The following MOCOS variants were observed in gnomAD, a reference collection of about 807,000 sequenced individuals.
MOCOS encodes the protein human molybdenum cofactor sulfurase.
In MOCOS, 86 loss-of-function variants were observed where a neutral mutation model predicts 83.6. The observed-to-expected ratio is 1.03, with a 90% CI of 0.86 to 1.23. MOCOS has a LOEUF of 1.23. Among genes scored for constraint, MOCOS ranks in the 50% most tolerant of loss-of-function variants. MOCOS has a pLI of 0.00. For synonymous variants in MOCOS, 445 were observed against 434.7 expected (o/e 1.02, Z -0.29); for missense variants, 1,120 against 1,126.9 (o/e 0.99, Z 0.09).
intron 6 of MOCOS, among the ~76,000 whole-genome samples, chr18:36,208,703 G>A (rs929030805): frequency 2.0e-5 from 3 of 152,148 alleles, no homozygotes; most frequent in Non-Finnish European, 4.4e-5. Flanking sequence ...CAGAGATTAT[G>A]GGATTTTCCG....
chr18:36,234,427 C>A (rs139039679), intron 9 of MOCOS, among the ~76,000 whole-genome samples: 2 of 152,182 alleles, frequency 1.3e-5, no homozygotes, highest in Admixed American at 6.5e-5. Context: ...GTTTTGGTAA[C>A]AGTAGCCTTG....
At chr18:36,206,534 C>G (rs1364824265) in intron 6 of MOCOS, among the ~76,000 whole-genome samples, 1 of 152,130 alleles carries the variant, frequency 6.6e-6, no homozygotes, top group Non-Finnish European at 1.5e-5. Flanking sequence ...ATGTGAGCCA[C>G]TGTGCCCGGC....
rs1397713762 is a variant in MOCOS at position 36,215,675 on chromosome 18, C to T, written c.1495C>T (p.Pro499Ser). 1.9e-6 allele frequency: 3 copies of T among 1,614,066 alleles called. No individual in the cohort carries two copies. Among genetic ancestry groups the T allele is most frequent in the African/African-American group, 1.3e-5 (1 of 74,934 alleles). ...RLHSSGDWPVPQAHADTGETG... is the reference protein window; with the variant it reads ...RLHSSGDWPVSQAHADTGETG... ...GCACTCATCAGGGGACTGGCCTGTC[C>T]CTCAGGCCCATGCTGACACCGGGGA... The change falls in exon 8 of 15, where the codon CCT (proline) becomes TCT (serine). Residue 499 changes from proline to serine, a missense_variant. Pro to Ser is a moderately conservative substitution (Grantham distance 74). Transcript: ENST00000261326.
Position 36,271,858 on chromosome 18 carries a change from C to T in MOCOS, c.*3173C>T, listed in dbSNP as rs2091700285. ...ATGGAGAAGAACAGGCAGTGATATACATTTTCTGCTGTTGAAAGATGTCCG... is the reference window on the plus strand; with the variant it reads ...ATGGAGAAGAACAGGCAGTGATATATATTTTCTGCTGTTGAAAGATGTCCG... On this transcript the variant is annotated 3_prime_UTR_variant, in exon 15 of 15. Coordinates refer to ENST00000261326, the MANE Select transcript of MOCOS (RefSeq NM_017947.4). 1 of 152,304 alleles carries T rather than the reference C, an allele frequency of 6.6e-6. No homozygotes were observed. The highest frequency in any genetic ancestry group is 3.4e-3 in the Middle Eastern group (1 of 294). The allele number at this position is 152,304 out of a possible 1,614,324, so 9.4% of individuals were successfully genotyped here. A position where few individuals can be genotyped will look rare whatever the true frequency, so the allele number is the denominator to read the frequency against.
intron 13 of MOCOS, among the ~76,000 whole-genome samples, chr18:36,262,851 G>C (rs2091668847): frequency 6.6e-6 from 1 of 152,194 alleles, no homozygotes; most frequent in Non-Finnish European, 1.5e-5. Context: ...GCTCATGCCT[G>C]AAATCCCAAT....
Position 36,187,602 on chromosome 18 carries a change from G to T in MOCOS, c.63G>T (p.Pro21=). The change falls in exon 1 of 15, where the codon CCG becomes CCT. Residue 21 remains proline (P), a synonymous_variant. Coordinates refer to ENST00000261326, the MANE Select transcript of MOCOS (RefSeq NM_017947.4). ...GGACCTTCGCGGGTTCCCGGGACCC[G>T]AGCGCACCGCGGCTAGCCTACGGCT... ...ELWTFAGSRD[P]SAPRLAYGYG... is the part of the protein sequence containing the mutation. 2.4e-6 allele frequency: 3 copies of T among 1,248,964 alleles called. No individual in the cohort carries two copies. Among genetic ancestry groups the T allele is most frequent in the Non-Finnish European group, 3.0e-6 (3 of 996,324 alleles). 77.4% of individuals were successfully genotyped at this position (1,248,964 alleles called of 1,614,324 possible).
chr18:36,205,120 G>A lies in MOCOS; in HGVS notation c.1062G>A (p.Gln354=), dbSNP rs141361512. ...AGCAGCACACCTTCACCTTGGCTCA[G>A]TATACCTACGTGGCCCTGTCCTCTC... ...NIKQHTFTLA[Q]YTYVALSSLQ... Residue 354 remains glutamine, a synonymous_variant, in exon 6 of 15, where the codon CAG becomes CAA. Coordinates refer to ENST00000261326, the MANE Select transcript of MOCOS (RefSeq NM_017947.4). The A allele has an allele frequency of 7.5e-3, 12,086 of 1,613,498 alleles. 57 individuals are homozygous for A. The highest frequency in any genetic ancestry group is 9.0e-3 in the Non-Finnish European group (10,671 of 1,179,692).
rs189487168 is a variant in MOCOS at position 36,221,478 on chromosome 18, A to G, written c.1960+1261A>G. 4.1e-3 allele frequency among the ~76,000 whole-genome samples: 623 copies of G among 152,282 alleles called. 10 individuals carry two copies. The highest frequency in any genetic ancestry group is 0.014 in the African/African-American group (593 of 41,554). ...AGGTAAAAGACATTACAGATACAGC[A>G]GAAATTTCCTGTGGACCTCTCCTGA... On this transcript the variant is annotated intron_variant, in intron 9 of 14. Coordinates refer to ENST00000261326, the MANE Select transcript of MOCOS (RefSeq NM_017947.4).
rs560772181 is a variant in MOCOS, at chr18:36,215,544, A to G, written c.1364A>G (p.Asp455Gly). 6.8e-6 allele frequency: 11 copies of G among 1,614,022 alleles called. No individual in the cohort carries two copies. In the African/African-American group the frequency reaches 9.3e-5, roughly 14 times the overall value. ...GGTCATGTCTGTGGGGACAATATGG[A>G]CCTCATAGATGGGCAGCCCACAGGA... ...QAGHVCGDNMDLIDGQPTGSV... is the reference protein window; with the variant it reads ...QAGHVCGDNMGLIDGQPTGSV... The change falls in exon 8 of 15, where the codon GAC (aspartate) becomes GGC (glycine). Residue 455 changes from aspartate (D) to glycine (G), a missense_variant. Coordinates refer to ENST00000261326, the MANE Select transcript of MOCOS (RefSeq NM_017947.4).
Position 36,199,669 on chromosome 18 carries a change from T to C in MOCOS, c.300-14T>C, listed in dbSNP as rs1471908643. On this transcript the variant is annotated splice_polypyrimidine_tract_variant and intron_variant, in intron 3 of 14. Coordinates refer to ENST00000261326, the MANE Select transcript of MOCOS (RefSeq NM_017947.4). The stretch of plus-strand genomic sequence containing the variant: ...TGAGATCCGCGGGTTGCGGGGATGC[T>C]GTGCTTCTTCCAGAATCCTGGCGCA... 1 of 1,613,066 alleles carries C rather than the reference T, an allele frequency of 6.2e-7. No homozygotes were observed. Among genetic ancestry groups the C allele is most frequent in the Non-Finnish European group, 8.5e-7 (1 of 1,180,038 alleles).
At chr18:36,247,171 A>C (rs977418404) in intron 9 of MOCOS, among the ~76,000 whole-genome samples, 1 of 152,178 alleles carries the variant, frequency 6.6e-6, no homozygotes, top group African/African-American at 2.4e-5. Context: ...CCCAGCTCCC[A>C]CACAGCCAGC....
In MOCOS at chr18:36,266,793, G is replaced by C; in HGVS notation, c.2454G>C (p.Gln818His). The change falls in exon 14 of 15, where the codon CAG becomes CAC. Residue 818 changes from glutamine to histidine, a missense_variant. Physicochemically the swap from Gln to His is conservative, Grantham distance 24 (BLOSUM62 0). Coordinates refer to ENST00000261326, the MANE Select transcript of MOCOS (RefSeq NM_017947.4). ...CHRCQMICID[Q>H]QTGQRNQHVF... is the part of the protein sequence containing the mutation. ...GATGCCAGATGATTTGCATCGACCA[G>C]CAAACTGGGCAACGAAACCAGCATG... is the stretch of plus-strand genomic sequence containing the variant. 2 of 1,614,056 alleles carry C rather than the reference G, an allele frequency of 1.2e-6. No homozygotes were observed. The highest frequency in any genetic ancestry group is 1.7e-6 in the Non-Finnish European group (2 of 1,180,042).
At chr18:36,218,551 G>A (rs1201559961) in intron 8 of MOCOS, among the ~76,000 whole-genome samples, 1 of 151,984 alleles carries the variant, frequency 6.6e-6, no homozygotes, top group African/African-American at 2.4e-5. Context: ...ATCTCACTCT[G>A]TCTCCCAGGC....
At chr18:36,247,488 T>C (rs1363164918) in intron 9 of MOCOS, among the ~76,000 whole-genome samples, 2 of 152,232 alleles carry the variant, frequency 1.3e-5, no homozygotes, top group Non-Finnish European at 2.9e-5. Context: ...TTCCACTGGC[T>C]GCCTTCCCTT....
At chr18:36,251,379 C>T in intron 11 of MOCOS, 96 bp downstream of exon 11, 1 of 1,498,502 alleles carries the variant, frequency 6.7e-7, no homozygotes, top group Non-Finnish European at 9.2e-7. Flanking sequence ...GGGTGACTTG[C>T]TGATGTATGG....
chr18:36,257,025 T>C lies in MOCOS; in HGVS notation c.2222T>C (p.Leu741Pro), dbSNP rs1375287977. The C allele has an allele frequency of 6.2e-7, 1 of 1,614,176 alleles. No individual in the cohort carries two copies. The highest frequency in any genetic ancestry group is 8.5e-7 in the Non-Finnish European group (1 of 1,180,004). ...CTGGTGAATGAGGCACAGTATCTGCTGATCAACACATCCAGTATTTTGGAA... is the reference window on the plus strand; with the variant it reads ...CTGGTGAATGAGGCACAGTATCTGCCGATCAACACATCCAGTATTTTGGAA... ...LSLVNEAQYL[L>P]INTSSILELH... The change falls in exon 12 of 15, where the codon CTG becomes CCG. Residue 741 changes from leucine (L) to proline (P), a missense_variant. Transcript: ENST00000261326.
At chr18:36,245,811 T>C (rs1158549636) in intron 9 of MOCOS, among the ~76,000 whole-genome samples, 1 of 152,208 alleles carries the variant, frequency 6.6e-6, no homozygotes, top group East Asian at 1.9e-4. Context: ...ATGGAGACTT[T>C]GTTCATTTTT....
chr18:36,213,918 A>G (rs539237543), intron 7 of MOCOS, among the ~76,000 whole-genome samples: 7 of 148,626 alleles, frequency 4.7e-5, no homozygotes, highest in African/African-American at 1.7e-4. Flanking sequence ...GTGACAGAGC[A>G]AGACTCCATC....
intron 9 of MOCOS, among the ~76,000 whole-genome samples, chr18:36,241,262 C>G (rs556438427): frequency 4.6e-5 from 7 of 152,116 alleles, no homozygotes; most frequent in Middle Eastern, 3.4e-3. Context: ...AGGAGCCTGT[C>G]AAAGAAAAAA....
Sources: allele counts gnomAD v4.1 joint callset (sites outside exome capture counted in the v4.1 genomes callset), GRCh38; gene constraint gnomAD v4.1.1; transcripts MANE v1.5; gene names NCBI Gene and HGNC (gene_info 2026-07-23, HGNC 2026-07-21).